Variants in ADRM1 observed in about 807,000 individuals in gnomAD.
ADRM1 encodes the protein proteasomal ubiquitin receptor ADRM1.
A neutral mutation model predicts 40.1 loss-of-function variants in ADRM1; 2 were observed. That is an observed-to-expected ratio of 0.05 (90% CI 0.02 to 0.16). ADRM1 has a LOEUF of 0.16. Ranked by LOEUF, ADRM1 falls within the 10% of genes least tolerant of loss-of-function variation. ADRM1 has a pLI of 1.00. For synonymous variants in ADRM1, 287 were observed against 240.4 expected (o/e 1.19, Z -1.79); for missense variants, 467 against 552.5 (o/e 0.85, Z 1.55).
At chr20:62,303,216 C>A (rs918963109) in intron 1 of ADRM1, 167 bp downstream of exon 1, 1 of 170,982 alleles carries the variant, frequency 5.8e-6, no homozygotes, top group African/African-American at 2.4e-5. Flanking sequence ...TCGGGCGCCG[C>A]CCCGGTTCCG....
At chr20:62,308,536 T>G (rs753895431) in intron 9 of ADRM1, 66 bp downstream of exon 9, 6 of 1,560,798 alleles carry the variant, frequency 3.8e-6, no homozygotes, top group Non-Finnish European at 5.2e-6. Context: ...TCCCCCTGGA[T>G]CTGCAGAAGT....
Position 62,307,611 on chromosome 20 carries a change from G to C in ADRM1, c.639G>C (p.Ser213=). 6.2e-7 allele frequency: 1 copy of C among 1,611,244 alleles called. No homozygotes were observed. The highest frequency in any genetic ancestry group is 8.5e-7 in the Non-Finnish European group (1 of 1,179,744). The part of the protein sequence containing the change: ...SSSSSSSRSQ[S]AAVTPSSTTS... ...CTCTTCGCAGCTCCCGGAGCCAGTC[G>C]GCAGCGGTCACCCCGTCATCCACCA... Residue 213 remains serine, a synonymous_variant, in exon 7 of 10, where the codon TCG becomes TCC. Transcript: ENST00000253003.
At chr20:62,306,469 C>T (rs946910034) in intron 4 of ADRM1, 149 bp downstream of exon 4, 1 of 1,362,652 alleles carries the variant, frequency 7.3e-7, no homozygotes, top group Non-Finnish European at 1.0e-6. Flanking sequence ...GGGTCACTCC[C>T]CACTCCCACC....
intron 3 of ADRM1, chr20:62,305,753 C>T (rs1489284112): frequency 1.5e-5 from 3 of 201,184 alleles, no homozygotes; most frequent in African/African-American, 2.3e-5. Flanking sequence ...TGTGCACACG[C>T]GTGTGCTCGA....
Position 62,308,409 on chromosome 20 carries a change from G to T in ADRM1, c.1056G>T (p.Leu352=). ...MFSAALASGQ[L]GPLMCQFGLP... is the part of the protein sequence containing the mutation. ...GCGCAGCCTTGGCCTCGGGGCAGCT[G>T]GGCCCCCTCATGTGCCAGTTCGGTC... The change falls in exon 9 of 10, where the codon CTG becomes CTT. Residue 352 remains leucine (L), a synonymous_variant. Coordinates refer to ENST00000253003, the MANE Select transcript of ADRM1 (RefSeq NM_007002.4). The T allele has an allele frequency of 6.2e-7, 1 of 1,609,594 alleles. No homozygotes were observed.
intron 2 of ADRM1, chr20:62,304,133 A>G: frequency 2.1e-6 from 1 of 475,668 alleles, no homozygotes; most frequent in Non-Finnish European, 3.8e-6. Context: ...TTTGTTTTTC[A>G]AACTCTTAGT....
At chr20:62,305,244 G>A (rs79784614) in intron 3 of ADRM1, among the ~76,000 whole-genome samples, 2 of 152,278 alleles carry the variant, frequency 1.3e-5, no homozygotes, top group South Asian at 2.1e-4. Context: ...GTGTGCATGC[G>A]TTTGCAGTGT....
chr20:62,304,770 C>T (rs1038303522), intron 3 of ADRM1, among the ~76,000 whole-genome samples, 193 bp downstream of exon 3: 2 of 152,266 alleles, frequency 1.3e-5, no homozygotes, highest in Non-Finnish European at 2.9e-5. Context: ...AGTACGGAGG[C>T]TCCAGGCTGG....
rs1453115686 is a variant in ADRM1 at position 62,306,727 on chromosome 20, A to G, written c.534A>G (p.Gly178=). The change falls in exon 5 of 10, where the codon GGA becomes GGG. Residue 178 remains glycine (G), a synonymous_variant. Transcript: ENST00000253003. The part of the protein sequence containing the change: ...LMQLIGPAGL[G]GLGGLGALTG... ...AGCTCATCGGACCAGCCGGCCTTGG[A>G]GGACTGGGTAACGTGCGCCACCCGG... 1.2e-6 allele frequency: 2 copies of G among 1,606,268 alleles called. No homozygotes were observed. The highest frequency in any genetic ancestry group is 1.1e-5 in the South Asian group (1 of 90,114).
intron 8 of ADRM1, 88 bp from the exon 9 acceptor site, chr20:62,308,280 G>A: frequency 2.0e-6 from 3 of 1,537,170 alleles, no homozygotes; most frequent in South Asian, 1.2e-5. Context: ...TGCTTCATGT[G>A]CCTGACCCGC....
At chr20:62,307,899 A>C (rs571357050) in intron 7 of ADRM1, 71 bp downstream of exon 7, 95 of 1,552,622 alleles carry the variant, frequency 6.1e-5, no homozygotes, top group African/African-American at 4.3e-4. Flanking sequence ...CTCACCTTCC[A>C]AGGCATCTGC....
intron 2 of ADRM1, chr20:62,304,119 CTTCT>C (rs1418190083): frequency 1.2e-5 from 6 of 483,178 alleles, no homozygotes; most frequent in African/African-American, 5.8e-5. Context: ...TTCACTCAGT[CTTCT>C]TTGTTTTTCA....
chr20:62,307,770 C>T lies in ADRM1; in HGVS notation c.798C>T (p.Asp266=), dbSNP rs139296980. Residue 266 remains aspartate (D), a synonymous_variant, in exon 7 of 10, where the codon GAC becomes GAT. Transcript: ENST00000253003. ...CGACCCAGCCCATCCAGCTGAGCGA[C>T]CTCCAGAGCATCCTGGCCACGATGA... ...ASPTQPIQLS[D]LQSILATMNV... 495 of 1,611,772 alleles carry T rather than the reference C, an allele frequency of 3.1e-4. 2 individuals carry two copies. In the African/African-American group the frequency reaches 3.9e-3, roughly 13 times the overall value.
At chr20:62,308,519 A>G (rs1373310844) in intron 9 of ADRM1, 49 bp downstream of exon 9, 5 of 1,565,076 alleles carry the variant, frequency 3.2e-6, no homozygotes, top group Non-Finnish European at 4.3e-6. Flanking sequence ...GGCAGGGTCC[A>G]TTCCTGTCCC....
chr20:62,308,003 C>A lies in ADRM1; in HGVS notation c.857-18C>A. The A allele has an allele frequency of 6.2e-7, 1 of 1,602,740 alleles. No individual in the cohort carries two copies. Among genetic ancestry groups the A allele is most frequent in the Admixed American group, 1.7e-5 (1 of 59,682 alleles). ...CTTAGGCTGTCATCGAGCTGATGGC[C>A]GTGTTCTTGTGCCCCAGTGGACCTG... On this transcript the variant is annotated intron_variant, in intron 7 of 9. Transcript: ENST00000253003.
chr20:62,304,440 T>A (rs749691628), intron 2 of ADRM1, 21 bp from the exon 3 acceptor site: 2 of 1,602,668 alleles, frequency 1.2e-6, no homozygotes, highest in Non-Finnish European at 8.5e-7. Context: ...CCACTGACTC[T>A]CTCTTCCCCT....
At chr20:62,303,920 C>T (rs1369262267) in intron 2 of ADRM1, 139 bp downstream of exon 2, 4 of 793,858 alleles carry the variant, frequency 5.0e-6, no homozygotes, top group South Asian at 3.4e-5. Flanking sequence ...GCTGATGGGT[C>T]GTCCTGGTTT....
chr20:62,304,977 C>G (rs1318759412), intron 3 of ADRM1, among the ~76,000 whole-genome samples: 1 of 152,248 alleles, frequency 6.6e-6, no homozygotes, highest in Non-Finnish European at 1.5e-5. Flanking sequence ...TTCCACAGTC[C>G]TGCCCCTTCC....
rs536283340 is a variant in ADRM1 at position 62,308,586 on chromosome 20, A to G, written c.1118-69A>G. 1.2e-5 allele frequency: 19 copies of G among 1,589,200 alleles called. No individual in the cohort carries two copies. The South Asian group carries it at 2.0e-4, about 17-fold the overall frequency. Reference sequence around the variant, plus strand: ...AAAGGTCACAGCCCTTCTGCCCTTGATCCCATCGCTTTGATCCCCAGTTCT... The same window carrying G: ...AAAGGTCACAGCCCTTCTGCCCTTGGTCCCATCGCTTTGATCCCCAGTTCT... On this transcript the variant is annotated intron_variant, in intron 9 of 9. Coordinates refer to ENST00000253003, the MANE Select transcript of ADRM1 (RefSeq NM_007002.4).
Sources: gnomAD v4.1 joint callset for allele counts (sites outside exome capture counted in the v4.1 genomes callset) on GRCh38, gnomAD v4.1.1 for gene constraint, MANE v1.5 for transcripts, NCBI Gene and HGNC (gene_info 2026-07-23, HGNC 2026-07-21) for gene names.